The following NHS variants were observed in gnomAD, a reference collection of about 807,000 sequenced individuals.
The protein encoded by NHS is actin remodeling regulator NHS.
NHS carries 5 observed loss-of-function variants against 72.5 expected under a neutral mutation model. The observed-to-expected ratio is 0.07, with a 90% CI of 0.04 to 0.14. The LOEUF (loss-of-function observed/expected upper bound fraction) is 0.14, where lower values mean the gene tolerates loss of function less well. Ranked by LOEUF, NHS falls within the 10% of genes least tolerant of loss-of-function variation. The pLI, the probability that NHS is intolerant of heterozygous loss-of-function variation, is 1.00. For missense variants in NHS, 1,072 were observed against 1,355.7 expected (o/e 0.79, Z 3.29); for synonymous variants, 464 against 547.7 (o/e 0.85, Z 2.13).
chrX:17,712,229 T>A (rs1441129057), intron 3 of NHS, among the ~76,000 whole-genome samples: 1 of 90,744 alleles, frequency 1.1e-5, no homozygotes, highest in African/African-American at 4.0e-5. Context: ...CCTTAATATA[T>A]GCTTATTGGC....
At chrX:17,580,636 A>T (rs750744803) in intron 1 of NHS, among the ~76,000 whole-genome samples, 3 of 111,715 alleles carry the variant, frequency 2.7e-5, no homozygotes, top group Non-Finnish European at 5.6e-5. Context: ...CGGAGGACAG[A>T]GTGTGGAGCT....
At chrX:17,655,322 C>T (rs2065948084) in intron 1 of NHS, among the ~76,000 whole-genome samples, 2 of 112,042 alleles carry the variant, frequency 1.8e-5, no homozygotes, top group Non-Finnish European at 3.8e-5. Context: ...ATGTGCGGAG[C>T]CCGCCGCCAC....
At chrX:17,478,372 G>C (rs1304176716) in intron 1 of NHS, among the ~76,000 whole-genome samples, 3 of 112,186 alleles carry the variant, frequency 2.7e-5, no homozygotes, top group African/African-American at 9.7e-5. Context: ...TTCTGTGCCA[G>C]TTGTTAATAT....
chrX:17,594,163 A>G (rs944313015), intron 1 of NHS, among the ~76,000 whole-genome samples: 4 of 112,234 alleles, frequency 3.6e-5, no homozygotes, highest in Non-Finnish European at 7.5e-5. Context: ...CTATGTTCAG[A>G]AAAGTTGAAT....
chrX:17,412,858 T>C (rs967871419), intron 1 of NHS, among the ~76,000 whole-genome samples: 1 of 112,399 alleles, frequency 8.9e-6, no homozygotes, highest in Non-Finnish European at 1.9e-5. Context: ...ATCTTGAGCA[T>C]TGCAGATCAT....
intron 1 of NHS, among the ~76,000 whole-genome samples, chrX:17,524,066 T>C (rs1390093615): frequency 8.9e-6 from 1 of 112,255 alleles, no homozygotes; most frequent in Non-Finnish European, 1.9e-5. Context: ...TATCCACCCA[T>C]AGCAAGCTCC....
chrX:17,729,033 GAA>G (rs2066470018), intron 8 of NHS, among the ~76,000 whole-genome samples: 1 of 112,090 alleles, frequency 8.9e-6, no homozygotes, highest in Non-Finnish European at 1.9e-5. Context: ...TTTTCCCCAG[GAA>G]AAGACATTCT....
chrX:17,416,202 T>C (rs958867325), intron 1 of NHS, among the ~76,000 whole-genome samples: 3 of 111,264 alleles, frequency 2.7e-5, no homozygotes, highest in Non-Finnish European at 5.7e-5. Flanking sequence ...GTTTTCATCT[T>C]AAACCAAAAA....
chrX:17,379,419 GA>G (rs200143679), intron 1 of NHS, among the ~76,000 whole-genome samples: 46 of 107,446 alleles, frequency 4.3e-4, no homozygotes, highest in South Asian at 1.2e-3. Flanking sequence ...ACAGGTTGTG[GA>G]AAAAAAAAAT....
intron 1 of NHS, among the ~76,000 whole-genome samples, chrX:17,655,514 C>T (rs1211107368): frequency 8.9e-6 from 1 of 112,531 alleles, no homozygotes; most frequent in African/African-American, 3.2e-5. Flanking sequence ...TCCTGCAGCT[C>T]ACTGCGGCTG....
intron 1 of NHS, among the ~76,000 whole-genome samples, chrX:17,522,639 G>A (rs1485337643): frequency 1.2e-5 from 1 of 85,552 alleles, no homozygotes. Context: ...CTGGATTTCA[G>A]TTCAGGCCTG....
chrX:17,720,425 CA>C (rs917415479), intron 4 of NHS, among the ~76,000 whole-genome samples: 1 of 111,952 alleles, frequency 8.9e-6, no homozygotes, highest in African/African-American at 3.3e-5. Context: ...GGGATAACAG[CA>C]AAAGATATTT....
intron 3 of NHS, among the ~76,000 whole-genome samples, chrX:17,704,331 CTG>C (rs2066283502): frequency 9.1e-6 from 1 of 109,940 alleles, no homozygotes; most frequent in African/African-American, 3.3e-5. Context: ...GAGTCTCACT[CTG>C]TCACCCAGGC....
chrX:17,709,766 C>A (rs1601847799), intron 3 of NHS, among the ~76,000 whole-genome samples: 1 of 111,052 alleles, frequency 9.0e-6, no homozygotes, highest in African/African-American at 3.3e-5. Context: ...CTCAGGAGCT[C>A]TGGAGCTCAG....
At chrX:17,624,509 T>G (rs1375122389) in intron 1 of NHS, among the ~76,000 whole-genome samples, 2 of 112,919 alleles carry the variant, frequency 1.8e-5, no homozygotes, top group Non-Finnish European at 3.7e-5. Flanking sequence ...CACCATAGAT[T>G]AGATTTACCT....
intron 1 of NHS, among the ~76,000 whole-genome samples, chrX:17,382,331 C>G (rs966973625): frequency 3.6e-5 from 4 of 111,042 alleles, no homozygotes; most frequent in Non-Finnish European, 7.6e-5. Context: ...TTTCCAATAC[C>G]TTCTCTTACT....
intron 1 of NHS, among the ~76,000 whole-genome samples, chrX:17,386,663 C>CAAAAAAAAAAAAAA (rs1184465152): frequency 2.6e-5 from 1 of 38,434 alleles, no homozygotes; most frequent in African/African-American, 9.0e-5. Flanking sequence ...AACTCTGTCT[C>CAAAAAAAAAAAAAA]AAAAAAAAAA....
At chrX:17,672,200 G>C (rs1424311205) in intron 1 of NHS, among the ~76,000 whole-genome samples, 2 of 112,005 alleles carry the variant, frequency 1.8e-5, no homozygotes, top group Non-Finnish European at 1.9e-5. Context: ...TTCCTCACTT[G>C]CATAGTGTCC....
intron 4 of NHS, among the ~76,000 whole-genome samples, chrX:17,721,098 A>G (rs764914814): frequency 1.1e-4 from 12 of 111,687 alleles, no homozygotes; most frequent in African/African-American, 3.6e-4. Flanking sequence ...TTTGATAGAA[A>G]TTTATGGTGA....
Sources: allele counts gnomAD v4.1 joint callset (sites outside exome capture counted in the v4.1 genomes callset), GRCh38; gene constraint gnomAD v4.1.1; transcripts MANE v1.5; gene names NCBI Gene and HGNC (gene_info 2026-07-23, HGNC 2026-07-21).